ITPA: variants seen among roughly 807,000 people sequenced by gnomAD.
ITPA encodes the protein inosine triphosphatase.
In ITPA, 29 loss-of-function variants were observed where a neutral mutation model predicts 29.6. The ratio of observed to expected loss-of-function variants is 0.98; its 90% CI spans 0.73 to 1.34. The LOEUF (loss-of-function observed/expected upper bound fraction) is 1.34. Ranked by LOEUF, ITPA falls within the 40% of genes most tolerant of loss-of-function variation. The probability of loss-of-function intolerance (pLI) is 0.00; values close to 1 mark genes in which losing one functional copy is unlikely to be tolerated. For missense variants in ITPA, 241 were observed against 251.5 expected (o/e 0.96, Z 0.28); for synonymous variants, 103 against 99.3 (o/e 1.04, Z -0.22).
Position 3,213,914 on chromosome 20 carries a change from G to T in ITPA, c.190-71G>T, listed in dbSNP as rs545223470. The T allele has an allele frequency of 3.2e-5, 48 of 1,516,798 alleles. No homozygotes were observed. The African/African-American group carries it at 5.7e-4, about 18-fold the overall frequency. The allele number at this position is 1,516,798 out of a possible 1,614,324, so 94.0% of individuals were successfully genotyped here. ...GAGGGCTGGCCCCAGCCTGGGTGAC[G>T]CGGGTGACCTGGACGTTCCAGGTGG... is the stretch of plus-strand genomic sequence containing the variant. On this transcript the variant is annotated intron_variant, in intron 3 of 7. Transcript: ENST00000380113.
upstream of ITPA, among the ~76,000 whole-genome samples, chr20:3,208,010 A>AG (rs2067094578): frequency 6.6e-6 from 1 of 151,516 alleles, no homozygotes; most frequent in Admixed American, 6.6e-5. Flanking sequence ...AAAAAAAAAA[A>AG]AAAGAAAAAG....
At chr20:3,221,124 T>C (rs1377201714) in intron 6 of ITPA, among the ~76,000 whole-genome samples, 2 of 152,082 alleles carry the variant, frequency 1.3e-5, no homozygotes, top group Non-Finnish European at 2.9e-5. Flanking sequence ...TTTCCTGGGC[T>C]CAAGTGATCT....
At chr20:3,206,612 C>A (rs1362335526), upstream of ITPA, among the ~76,000 whole-genome samples, 1 of 151,636 alleles carries the variant, frequency 6.6e-6, no homozygotes, top group African/African-American at 2.4e-5. Flanking sequence ...AGGCGGATCA[C>A]GAGGTCAGGA....
At chr20:3,224,985 G>A (rs1056552783), downstream of ITPA, among the ~76,000 whole-genome samples, 1 of 152,098 alleles carries the variant, frequency 6.6e-6, no homozygotes. Flanking sequence ...TGGGAGGATC[G>A]CTTGAGCCCA....
Position 3,220,220 on chromosome 20 carries a change from G to A in ITPA, c.411+1588G>A, listed in dbSNP as rs570898826. ...CTACAGGCGTGCACCACCACACCCG[G>A]CTAATTTTTGTATTTTTGGTAGAGA... On this transcript the variant is annotated intron_variant, in intron 6 of 7. Transcript: ENST00000380113. Among the ~76,000 whole-genome samples the A allele has an allele frequency of 1.6e-4, 24 of 152,060 alleles. No homozygotes were observed. The East Asian group carries it at 4.7e-3, about 30-fold the overall frequency.
chr20:3,222,221 C>CTTT (rs1185986418), intron 7 of ITPA, among the ~76,000 whole-genome samples: 1 of 137,950 alleles, frequency 7.2e-6, no homozygotes, highest in Non-Finnish European at 1.6e-5. Context: ...GTACATCTGA[C>CTTT]TTTTTTTTTT....
At chr20:3,209,392 G>A, upstream of ITPA, 1 of 737,746 alleles carries the variant, frequency 1.4e-6, no homozygotes, top group Non-Finnish European at 2.4e-6. This position sits in a 1 kb window ranked among gnomAD's most constrained non-coding sequence, Gnocchi z 4.6. Context: ...GGCCGCCACC[G>A]CGAGCCCACT....
rs2067132507 is a variant in ITPA at position 3,209,871 on chromosome 20, G to A, written c.66+254G>A. Among the ~76,000 whole-genome samples, 1 of 152,164 alleles carries A rather than the reference G, an allele frequency of 6.6e-6. No homozygotes were observed. Among genetic ancestry groups the A allele is most frequent in the South Asian group, 2.1e-4 (1 of 4,836 alleles). ...CCGACACAGGGCTTGTGTGGTCAGC[G>A]ACTGCGGGACCCGGAGGAGTAGCGG... On this transcript the variant is annotated intron_variant, in intron 1 of 7. Coordinates refer to ENST00000380113, the MANE Select transcript of ITPA (RefSeq NM_033453.4). This position sits in a 1 kb window ranked among gnomAD's most constrained non-coding sequence, Gnocchi z 4.6.
At chr20:3,209,285 C>A, upstream of ITPA, 1 of 545,208 alleles carries the variant, frequency 1.8e-6, no homozygotes, top group Non-Finnish European at 3.3e-6. This position sits in a 1 kb window ranked among gnomAD's most constrained non-coding sequence, Gnocchi z 4.6. Flanking sequence ...GGAGTGGTCT[C>A]TTCCGGTTCT....
intron 6 of ITPA, among the ~76,000 whole-genome samples, chr20:3,220,196 T>G (rs1001821948): frequency 6.6e-6 from 1 of 151,992 alleles, no homozygotes; most frequent in African/African-American, 2.4e-5. Context: ...TAACTGGGAC[T>G]ACAGGCGTGC....
At chr20:3,204,233 G>A (rs2067055214), upstream of ITPA, among the ~76,000 whole-genome samples, 1 of 152,220 alleles carries the variant, frequency 6.6e-6, no homozygotes, top group Admixed American at 6.5e-5. Context: ...GGGCCCCGAC[G>A]GTGACGGATG....
upstream of ITPA, chr20:3,204,541 T>G: frequency 6.4e-7 from 1 of 1,561,098 alleles, no homozygotes; most frequent in Non-Finnish European, 8.6e-7. Flanking sequence ...TCCTACCTGA[T>G]GCCGCCCGGC....
At chr20:3,216,307 G>A (rs528782084) in intron 5 of ITPA, among the ~76,000 whole-genome samples, 4 of 139,816 alleles carry the variant, frequency 2.9e-5, no homozygotes, top group Admixed American at 2.1e-4. Context: ...CTACAGGCAC[G>A]TGCCACCATG....
In ITPA at chr20:3,223,450, T is replaced by TTTGGCAGC. The variant is rs757922816; in HGVS notation, c.577_584dup (p.Ter195TrpfsTer32). ...TGGAGCTGCAGGAGTACTTTGGCAG[T>TTTGGCAGC]TTGGCAGCTTGACTTCTGCAGCTGG... On this transcript the variant is annotated frameshift_variant, in exon 8 of 8. Coordinates refer to ENST00000380113, the MANE Select transcript of ITPA (RefSeq NM_033453.4). LOFTEE classifies it high-confidence loss of function. 1.2e-6 allele frequency: 2 copies of TTTGGCAGC among 1,612,618 alleles called. No homozygotes were observed. Among genetic ancestry groups the TTTGGCAGC allele is most frequent in the Non-Finnish European group, 1.7e-6 (2 of 1,179,540 alleles).
downstream of ITPA, among the ~76,000 whole-genome samples, chr20:3,225,025 C>T (rs779933439): frequency 1.3e-5 from 2 of 152,130 alleles, no homozygotes; most frequent in Non-Finnish European, 2.9e-5. Context: ...TGCAACATGG[C>T]AAAACCTTGT....
At chr20:3,226,536 A>G (rs1240942383), downstream of ITPA, among the ~76,000 whole-genome samples, 1 of 152,006 alleles carries the variant, frequency 6.6e-6, no homozygotes, top group Non-Finnish European at 1.5e-5. This position sits in a 1 kb window ranked among gnomAD's most constrained non-coding sequence, Gnocchi z 4.4. Flanking sequence ...CGTTTCTCTA[A>G]TTACCAAGGG....
chr20:3,214,122 A>G, intron 4 of ITPA, 64 bp downstream of exon 4: 1 of 1,370,322 alleles, frequency 7.3e-7, no homozygotes, highest in Non-Finnish European at 1.0e-6. Flanking sequence ...CTGCAAAATG[A>G]TGAGGTACCT....
intron 4 of ITPA, among the ~76,000 whole-genome samples, chr20:3,214,649 C>T (rs902005579): frequency 4.6e-5 from 7 of 151,560 alleles, no homozygotes; most frequent in South Asian, 2.1e-4. Context: ...GCGCGATCTC[C>T]GCTAACTGCA....
chr20:3,221,262 T>C (rs7262711), intron 6 of ITPA, among the ~76,000 whole-genome samples: 7,942 of 151,728 alleles, frequency 0.052, 697 homozygotes, highest in African/African-American at 0.18. Context: ...TGTCACTGGA[T>C]TACAATTTGT....
Sources: gnomAD v4.1 joint callset for allele counts (sites outside exome capture counted in the v4.1 genomes callset) on GRCh38, gnomAD v4.1.1 for gene constraint, Gnocchi (gnomAD v3.1) non-coding constraint, MANE v1.5 for transcripts, NCBI Gene and HGNC (gene_info 2026-07-23, HGNC 2026-07-21) for gene names.